NELL2: variants seen among roughly 807,000 people sequenced by gnomAD.
NELL2 encodes neural EGFL like 2.
A neutral mutation model predicts 109.6 loss-of-function variants in NELL2; 41 were observed. That is an observed-to-expected ratio of 0.37 (90% confidence interval 0.29 to 0.49). NELL2 has a LOEUF of 0.49. NELL2 is among the 20% of genes least tolerant of loss of function. The pLI is 0.98. For missense variants in NELL2, 900 were observed against 1,008.3 expected (o/e 0.89, Z 1.45); for synonymous variants, 355 against 344.7 (o/e 1.03, Z -0.33).
intron 9 of NELL2, among the ~76,000 whole-genome samples, chr12:44,773,918 G>A (rs998732795): frequency 6.6e-6 from 1 of 151,438 alleles, no homozygotes; most frequent in Admixed American, 6.6e-5. Context: ...CCACCCCGCC[G>A]CCACTTCTCC....
upstream of NELL2, among the ~76,000 whole-genome samples, chr12:44,917,465 C>A (rs1358790459): frequency 2.0e-5 from 3 of 152,166 alleles, no homozygotes; most frequent in South Asian, 4.1e-4. Context: ...ACATGGCCAG[C>A]ACAGTGCTAT....
intron 2 of NELL2, among the ~76,000 whole-genome samples, chr12:44,830,326 T>C (rs897998409): frequency 1.3e-5 from 2 of 152,208 alleles, no homozygotes; most frequent in Admixed American, 6.5e-5. Context: ...TTCTACCTAA[T>C]AGGCTAATTT....
intron 15 of NELL2, among the ~76,000 whole-genome samples, chr12:44,569,586 G>A (rs750714122): frequency 6.6e-6 from 1 of 152,068 alleles, no homozygotes; most frequent in South Asian, 2.1e-4. Flanking sequence ...AAATGGCTCT[G>A]TTTTAGACCT....
intron 15 of NELL2, among the ~76,000 whole-genome samples, chr12:44,552,948 T>C (rs931191715): frequency 2.0e-5 from 3 of 152,126 alleles, no homozygotes; most frequent in Admixed American, 1.3e-4. Flanking sequence ...TCTATTTCAA[T>C]TGGACTCTGC....
upstream of NELL2, among the ~76,000 whole-genome samples, chr12:44,877,635 A>G (rs1402563039): frequency 6.6e-6 from 1 of 152,138 alleles, no homozygotes; most frequent in Non-Finnish European, 1.5e-5. Context: ...AGTTATAGAT[A>G]TTATCATATA....
chr12:44,880,320 A>G (rs1945397508), upstream of NELL2, among the ~76,000 whole-genome samples: 1 of 152,050 alleles, frequency 6.6e-6, no homozygotes, highest in Non-Finnish European at 1.5e-5. Context: ...CTCAAAAGAA[A>G]CCAAATAGAA....
Position 44,872,482 on chromosome 12 carries a change from A to G in NELL2, c.184+2743T>C, listed in dbSNP as rs1371181659. ...ATATTTCCATTTGTTTTTATTAGGT[A>G]TAGATAATAATAAATTTACGAGTTT... On this transcript the variant is annotated intron_variant, in intron 2 of 19. Coordinates refer to ENST00000429094, the MANE Select transcript of NELL2 (RefSeq NM_001145108.2). Among the ~76,000 whole-genome samples, 5 of 152,310 alleles carry G rather than the reference A, an allele frequency of 3.3e-5. No homozygotes were observed. The East Asian group carries it at 7.7e-4, about 24-fold the overall frequency.
At chr12:44,898,334 C>A (rs1371679958) in intron 1 of NELL2, among the ~76,000 whole-genome samples, 1 of 152,190 alleles carries the variant, frequency 6.6e-6, no homozygotes, top group Non-Finnish European at 1.5e-5. Context: ...CAGGGGTCGA[C>A]AGACATGTCA....
At chr12:44,907,221 T>G (rs1047771534) in intron 1 of NELL2, among the ~76,000 whole-genome samples, 3 of 152,112 alleles carry the variant, frequency 2.0e-5, no homozygotes, top group African/African-American at 4.8e-5. Context: ...CAGTCTCGGG[T>G]ATTTCTTCAT....
intron 13 of NELL2, among the ~76,000 whole-genome samples, chr12:44,633,808 C>T (rs904992050): frequency 1.7e-4 from 26 of 152,034 alleles, no homozygotes; most frequent in Admixed American, 1.3e-4. Flanking sequence ...GGTGAAACAA[C>T]ATATTTTGGA....
At chr12:44,533,946 A>G (rs1942192125) in intron 15 of NELL2, among the ~76,000 whole-genome samples, 1 of 152,128 alleles carries the variant, frequency 6.6e-6, no homozygotes, top group Non-Finnish European at 1.5e-5. Context: ...TCTTTCTGAT[A>G]TGCCTCTGAC....
intron 2 of NELL2, among the ~76,000 whole-genome samples, chr12:44,818,148 G>C (rs979394104): frequency 6.6e-6 from 1 of 152,164 alleles, no homozygotes; most frequent in Non-Finnish European, 1.5e-5. Flanking sequence ...ACAGGCTGTG[G>C]AGGAGATTCC....
At chr12:44,773,040 T>C (rs777309166) in intron 9 of NELL2, among the ~76,000 whole-genome samples, 5 of 152,244 alleles carry the variant, frequency 3.3e-5, no homozygotes, top group Admixed American at 6.5e-5. Flanking sequence ...AAGATGAGAA[T>C]TGAAATTCAC....
chr12:44,554,338 T>C (rs191294049), intron 15 of NELL2, among the ~76,000 whole-genome samples: 1 of 152,156 alleles, frequency 6.6e-6, no homozygotes, highest in African/African-American at 2.4e-5. Flanking sequence ...AAATCAAATA[T>C]AAAACAGAAA....
intron 13 of NELL2, among the ~76,000 whole-genome samples, chr12:44,657,561 T>C (rs35180883): frequency 0.16 from 24,598 of 152,118 alleles, 2,067 homozygotes; most frequent in East Asian, 0.21. Context: ...ACACGTGCCA[T>C]GGTGGTTTGC....
At position 44,607,221 on chromosome 12, in the gene NELL2, G is replaced by A. The variant is rs762567241; in HGVS notation, c.1611C>T (p.Ala537=). ...DGCRNGGACI[A]ANVCACPQGF... ...CTTGTGGGCAGGCACACACATTAGCGGCAATACAGGCTCCTCCATTCCTAC... is the reference window on the plus strand; with the variant it reads ...CTTGTGGGCAGGCACACACATTAGCAGCAATACAGGCTCCTCCATTCCTAC... The change falls in exon 15 of 20, where the codon GCC becomes GCT. Residue 537 remains alanine, a synonymous_variant. Transcript: ENST00000429094. 1.9e-5 allele frequency: 31 copies of A among 1,612,502 alleles called. No individual in the cohort carries two copies. The South Asian group carries it at 2.1e-4, about 11-fold the overall frequency.
At chr12:44,733,117 A>G (rs1295013087) in intron 9 of NELL2, among the ~76,000 whole-genome samples, 2 of 151,980 alleles carry the variant, frequency 1.3e-5, no homozygotes, top group African/African-American at 4.8e-5. Context: ...TGGGAATGTA[A>G]ATGTGCAGAC....
chr12:44,700,343 C>A (rs908758279), intron 12 of NELL2, among the ~76,000 whole-genome samples: 1 of 152,146 alleles, frequency 6.6e-6, no homozygotes, highest in South Asian at 2.1e-4. Flanking sequence ...GTTTAAAACA[C>A]AAGTGTGATC....
chr12:44,816,109 G>A lies in NELL2; in HGVS notation c.212C>T (p.Thr71Ile). ...QDTPRSIKAS[T>I]ATAEQFFQKL... ...CTGAAAAAACTGTTCAGCTGTAGCA[G>A]TGGATGCTTTTATGCTTCTGGGAGT... The change falls in exon 3 of 20, where the codon ACT (threonine) becomes ATT (isoleucine). Residue 71 changes from threonine (T) to isoleucine (I), a missense_variant. Transcript: ENST00000429094. The A allele has an allele frequency of 1.9e-6, 3 of 1,611,864 alleles. No individual in the cohort carries two copies. The highest frequency in any genetic ancestry group is 4.5e-5 in the East Asian group (2 of 44,732).
Sources: gnomAD v4.1 joint callset for allele counts (sites outside exome capture counted in the v4.1 genomes callset) on GRCh38, gnomAD v4.1.1 for gene constraint, MANE v1.5 for transcripts, NCBI Gene and HGNC (gene_info 2026-07-23, HGNC 2026-07-21) for gene names.